The following CDH19 variants were observed in gnomAD, a reference collection of about 807,000 sequenced individuals.
The protein encoded by CDH19 is cadherin-19.
Under a neutral mutation model 64.2 loss-of-function variants are expected in CDH19, and 67 were observed. The ratio of observed to expected loss-of-function variants is 1.04; its 90% confidence interval spans 0.86 to 1.28. The LOEUF (loss-of-function observed/expected upper bound fraction) is 1.28, where lower values mean the gene tolerates loss of function less well. Ranked by LOEUF, CDH19 falls within the 50% of genes most tolerant of loss-of-function variation. CDH19 has a pLI of 0.00. For missense variants in CDH19, 1,030 were observed against 929.0 expected (o/e 1.11, Z -1.41); for synonymous variants, 346 against 319.3 (o/e 1.08, Z -0.89).
chr18:66,602,376 G>A (rs985934801), intron 1 of CDH19, among the ~76,000 whole-genome samples: 2 of 151,844 alleles, frequency 1.3e-5, no homozygotes, highest in Admixed American at 6.6e-5. Flanking sequence ...CTGAAAGATG[G>A]ATCTGGTTTC....
At chr18:66,582,257 A>G (rs1004382414) in intron 1 of CDH19, among the ~76,000 whole-genome samples, 4 of 152,202 alleles carry the variant, frequency 2.6e-5, no homozygotes, top group Middle Eastern at 3.4e-3. Flanking sequence ...ATAAGTCAGA[A>G]TGATGGATTT....
At chr18:66,598,155 T>C (rs1988951866) in intron 1 of CDH19, among the ~76,000 whole-genome samples, 1 of 152,134 alleles carries the variant, frequency 6.6e-6, no homozygotes, top group Non-Finnish European at 1.5e-5. Context: ...TAACAGATGC[T>C]GGCAAATTTG....
chr18:66,505,363 T>C, intron 11 of CDH19, 61 bp from the exon 12 acceptor site: 1 of 1,256,420 alleles, frequency 8.0e-7, no homozygotes, highest in East Asian at 2.4e-5. Flanking sequence ...AACATTACAG[T>C]CTTTGCTCTC....
At chr18:66,524,936 T>C (rs2144398125) in intron 9 of CDH19, among the ~76,000 whole-genome samples, 1 of 152,254 alleles carries the variant, frequency 6.6e-6, no homozygotes, top group South Asian at 2.1e-4. Context: ...GCTGTCAAAG[T>C]GTTTTTCCAT....
chr18:66,534,942 A>T, intron 8 of CDH19, 44 bp downstream of exon 8: 7 of 1,357,602 alleles, frequency 5.2e-6, no homozygotes, highest in Non-Finnish European at 6.8e-6. Flanking sequence ...AATTATTTAC[A>T]AAATATGGCA....
At chr18:66,554,234 C>T (rs1329853862) in intron 4 of CDH19, among the ~76,000 whole-genome samples, 171 bp downstream of exon 4, 4 of 151,918 alleles carry the variant, frequency 2.6e-5, no homozygotes, top group Non-Finnish European at 4.4e-5. Flanking sequence ...ATCCAGTCTC[C>T]TAGAAGTATC....
At chr18:66,570,689 A>G (rs556306558) in intron 2 of CDH19, among the ~76,000 whole-genome samples, 3 of 151,806 alleles carry the variant, frequency 2.0e-5, no homozygotes, top group Admixed American at 2.0e-4. Context: ...GCAGAAAAAC[A>G]TTTTTCAGAG....
rs1190985941 is a variant in CDH19, at chr18:66,511,608, T to C, written c.1536A>G (p.Glu512=). ...EHHFYFNLSV[E]DTNNSSFTII... Reference sequence around the variant, plus strand: ...TTGTAAAACTTGAATTGTTAGTGTCTTCTACAGATAGATTAAAGTAAAAAT... The same window carrying C: ...TTGTAAAACTTGAATTGTTAGTGTCCTCTACAGATAGATTAAAGTAAAAAT... Residue 512 remains glutamate, a synonymous_variant, in exon 10 of 12, where the codon GAA becomes GAG. Coordinates refer to ENST00000262150, the MANE Select transcript of CDH19 (RefSeq NM_021153.4). 6.5e-7 allele frequency: 1 copy of C among 1,538,890 alleles called. No homozygotes were observed. The highest frequency in any genetic ancestry group is 1.4e-5 in the African/African-American group (1 of 73,440).
intron 8 of CDH19, among the ~76,000 whole-genome samples, chr18:66,530,908 G>T: frequency 6.6e-6 from 1 of 152,088 alleles, no homozygotes; most frequent in East Asian, 1.9e-4. Flanking sequence ...ATGTGCCCTG[G>T]TTGAAATTGG....
chr18:66,578,696 T>C (rs2144597017), intron 1 of CDH19, among the ~76,000 whole-genome samples: 1 of 151,976 alleles, frequency 6.6e-6, no homozygotes, highest in African/African-American at 2.4e-5. Flanking sequence ...TGAAGATGCT[T>C]ACATGAATAT....
At chr18:66,535,944 C>T (rs1215214605) in intron 7 of CDH19, among the ~76,000 whole-genome samples, 1 of 144,976 alleles carries the variant, frequency 6.9e-6, no homozygotes, top group East Asian at 2.0e-4. Flanking sequence ...TATATACACA[C>T]ATATAAAACA....
chr18:66,523,615 G>T (rs569589309), intron 9 of CDH19, among the ~76,000 whole-genome samples: 98 of 151,912 alleles, frequency 6.5e-4, no homozygotes, highest in African/African-American at 2.3e-3. Flanking sequence ...ACTCGGTGGG[G>T]GTGGGGGGGG....
intron 8 of CDH19, chr18:66,532,572 T>A (rs1256359555): frequency 1.8e-5 from 6 of 325,682 alleles, no homozygotes; most frequent in Non-Finnish European, 3.6e-5. Flanking sequence ...AAGTTTTTTC[T>A]TTGTCCCTTT....
chr18:66,586,972 T>C (rs761778587), intron 1 of CDH19, among the ~76,000 whole-genome samples: 8 of 152,116 alleles, frequency 5.3e-5, no homozygotes, highest in Non-Finnish European at 8.8e-5. Context: ...AATATGATTT[T>C]AGTCTTAAAA....
intron 2 of CDH19, 93 bp from the exon 3 acceptor site, chr18:66,568,803 C>T: frequency 2.0e-6 from 2 of 978,666 alleles, no homozygotes; most frequent in South Asian, 3.5e-5. Context: ...TAATTATTCC[C>T]CAAGTTAATG....
chr18:66,525,893 T>C (rs929700073), intron 9 of CDH19, among the ~76,000 whole-genome samples: 1 of 152,082 alleles, frequency 6.6e-6, no homozygotes, highest in Admixed American at 6.5e-5. Flanking sequence ...TATTTCATGA[T>C]GTGTGACACT....
At chr18:66,546,435 T>C (rs1987120766) in intron 5 of CDH19, among the ~76,000 whole-genome samples, 1 of 152,188 alleles carries the variant, frequency 6.6e-6, no homozygotes, top group Admixed American at 6.5e-5. Context: ...AAGACTTAAA[T>C]GTTATTGAGT....
chr18:66,541,400 A>G (rs1056472456), intron 7 of CDH19, among the ~76,000 whole-genome samples: 1 of 152,188 alleles, frequency 6.6e-6, no homozygotes, highest in Non-Finnish European at 1.5e-5. Flanking sequence ...AAGAAGAGAT[A>G]TTATCAAATT....
intron 10 of CDH19, 65 bp downstream of exon 10, chr18:66,511,503 T>A: frequency 2.9e-6 from 2 of 699,788 alleles, no homozygotes. Flanking sequence ...ATGCCATAAA[T>A]TCCATTAAAG....
Sources: gnomAD v4.1 joint callset for allele counts (sites outside exome capture counted in the v4.1 genomes callset) on GRCh38, gnomAD v4.1.1 for gene constraint, MANE v1.5 for transcripts, NCBI Gene and HGNC (gene_info 2026-07-23, HGNC 2026-07-21) for gene names.